The following PLEKHM3 variants were observed in gnomAD, a reference collection of about 807,000 sequenced individuals.
The protein encoded by PLEKHM3 is pleckstrin homology domain containing M3, also known as pleckstrin homology domain-containing family M member 3.
In PLEKHM3, 45 loss-of-function variants were observed where a neutral mutation model predicts 81.8. The ratio of observed to expected loss-of-function variants is 0.55; its 90% CI spans 0.43 to 0.71. PLEKHM3 has a LOEUF of 0.71. Among genes scored for constraint, PLEKHM3 ranks in the 30% least tolerant of loss-of-function variants. The pLI is 0.00. For synonymous variants in PLEKHM3, 352 were observed against 356.4 expected, an observed-to-expected ratio of 0.99 and a Z score of 0.14; for missense variants, 788 against 924.3, an observed-to-expected ratio of 0.85 and a Z score of 1.91.
intron 7 of PLEKHM3, chr2:207,851,786 T>C (rs1335284350): frequency 6.9e-6 from 1 of 144,874 alleles, no homozygotes; most frequent in South Asian, 2.3e-4. Flanking sequence ...AGAAAGAATA[T>C]CTCAGGGTAA....
At chr2:207,836,047 T>C (rs1461994256) in intron 7 of PLEKHM3, among the ~76,000 whole-genome samples, 1 of 152,148 alleles carries the variant, frequency 6.6e-6, no homozygotes, top group Non-Finnish European at 1.5e-5. Flanking sequence ...AGAGTTCAAC[T>C]TCTGTGGATG....
chr2:207,930,026 T>A (rs1242195419), intron 5 of PLEKHM3: 3 of 602,732 alleles, frequency 5.0e-6, no homozygotes, highest in Non-Finnish European at 8.9e-6. Context: ...AGTTTGTATA[T>A]GCCAAGGGTG....
At chr2:207,990,411 A>G (rs12471242) in intron 2 of PLEKHM3, among the ~76,000 whole-genome samples, 17,318 of 152,140 alleles carry the variant, frequency 0.11, 1,099 homozygotes, top group Non-Finnish European at 0.13. Flanking sequence ...CCTTTCCTCA[A>G]TGAAGACTCC....
chr2:207,969,768 G>A (rs552491812), intron 3 of PLEKHM3, among the ~76,000 whole-genome samples: 26 of 152,232 alleles, frequency 1.7e-4, no homozygotes, highest in Middle Eastern at 3.4e-3. Flanking sequence ...TTTTATCCTC[G>A]GGTAATTAAT....
intron 4 of PLEKHM3, among the ~76,000 whole-genome samples, chr2:207,940,613 A>T (rs1689907695): frequency 6.6e-6 from 1 of 152,224 alleles, no homozygotes; most frequent in Non-Finnish European, 1.5e-5. Context: ...CAACAAATCA[A>T]GCACCTGATA....
intron 7 of PLEKHM3, among the ~76,000 whole-genome samples, chr2:207,854,948 G>A (rs1298184275): frequency 6.6e-6 from 1 of 152,134 alleles, no homozygotes; most frequent in Non-Finnish European, 1.5e-5. Context: ...ACAGATTCTG[G>A]AGTTTTAAAA....
chr2:207,947,915 T>A (rs1307125578), intron 3 of PLEKHM3, among the ~76,000 whole-genome samples: 3 of 152,188 alleles, frequency 2.0e-5, no homozygotes, highest in Non-Finnish European at 2.9e-5. Context: ...TACAATGGCA[T>A]CAGTAATTAA....
chr2:207,863,842 C>G (rs939082640), intron 6 of PLEKHM3, among the ~76,000 whole-genome samples: 4 of 151,578 alleles, frequency 2.6e-5, no homozygotes, highest in Admixed American at 1.3e-4. Flanking sequence ...AATAACTTTT[C>G]TATGAAAAAG....
chr2:207,965,914 C>T (rs750061531), intron 3 of PLEKHM3, among the ~76,000 whole-genome samples: 68 of 152,296 alleles, frequency 4.5e-4, no homozygotes, highest in Admixed American at 1.2e-3. Flanking sequence ...AAATGAAGGA[C>T]CACATTAATC....
intron 1 of PLEKHM3, among the ~76,000 whole-genome samples, chr2:208,013,050 G>C (rs964108777): frequency 1.3e-5 from 2 of 152,136 alleles, no homozygotes; most frequent in African/African-American, 4.8e-5. Flanking sequence ...GTATACAAAG[G>C]TGTTATACAA....
At chr2:207,981,763 C>G (rs879264452) in intron 2 of PLEKHM3, among the ~76,000 whole-genome samples, 1 of 152,176 alleles carries the variant, frequency 6.6e-6, no homozygotes, top group Admixed American at 6.5e-5. Flanking sequence ...ATCATATCAA[C>G]TCATTTAATT....
intron 5 of PLEKHM3, among the ~76,000 whole-genome samples, chr2:207,908,787 A>G (rs1688710458): frequency 6.6e-6 from 1 of 152,140 alleles, no homozygotes; most frequent in African/African-American, 2.4e-5. Flanking sequence ...TAAAAGTTTG[A>G]TCTTTGACTT....
chr2:207,998,788 T>C (rs543058013), intron 2 of PLEKHM3, among the ~76,000 whole-genome samples: 2 of 152,168 alleles, frequency 1.3e-5, no homozygotes, highest in Admixed American at 6.5e-5. Flanking sequence ...AAATTGCAAA[T>C]AGGACACCCT....
intron 2 of PLEKHM3, among the ~76,000 whole-genome samples, chr2:207,994,914 C>G (rs1422742281): frequency 6.6e-6 from 1 of 152,176 alleles, no homozygotes; most frequent in Non-Finnish European, 1.5e-5. Context: ...GTCTGTCTCT[C>G]CATAAGGCAA....
intron 3 of PLEKHM3, among the ~76,000 whole-genome samples, chr2:207,974,875 A>T (rs1385977694): frequency 1.3e-5 from 2 of 148,906 alleles, no homozygotes; most frequent in East Asian, 3.9e-4. Flanking sequence ...TCTGTCAACC[A>T]GGCTGGAGTG....
Position 208,001,620 on chromosome 2 carries a change from T to C in PLEKHM3, c.20A>G (p.Asp7Gly), listed in dbSNP as rs1205782656. 1 of 1,613,846 alleles carries C rather than the reference T, an allele frequency of 6.2e-7. No individual in the cohort carries two copies. Among genetic ancestry groups the C allele is most frequent in the South Asian group, 1.1e-5 (1 of 91,058 alleles). Residue 7 changes from aspartate (D) to glycine (G), a missense_variant, in exon 2 of 8, where the codon GAT becomes GGT. Coordinates refer to ENST00000427836, the MANE Select transcript of PLEKHM3 (RefSeq NM_001080475.3). ...AACTTCTAAGGCTGGGCTGATATCATCCACTTCCAAAGCTTCCATGTCACA... is the reference window on the plus strand; with the variant it reads ...AACTTCTAAGGCTGGGCTGATATCACCCACTTCCAAAGCTTCCATGTCACA... MEALEV[D>G]DISPALEVTE...
intron 3 of PLEKHM3, among the ~76,000 whole-genome samples, chr2:207,961,056 G>T (rs1238748469): frequency 6.6e-6 from 1 of 152,224 alleles, no homozygotes; most frequent in Admixed American, 6.5e-5. Flanking sequence ...TGACCCACAA[G>T]ACTGTGAAAA....
intron 6 of PLEKHM3, chr2:207,868,773 G>T (rs1023769720): frequency 6.6e-6 from 1 of 152,010 alleles, no homozygotes; most frequent in African/African-American, 2.4e-5. Flanking sequence ...AGCTATGAAG[G>T]CCACATGTCA....
At chr2:207,841,448 CAAAAAAAAAAAAAAAAAAAAAA>C (rs1206603074) in intron 7 of PLEKHM3, among the ~76,000 whole-genome samples, 1 of 21,466 alleles carries the variant, frequency 4.7e-5, no homozygotes, top group African/African-American at 2.2e-4. Flanking sequence ...GACTCCATCT[CAAAAAAAAAAAAAAAAAAAAAA>C]AAAAAAAAAA....
Sources: allele counts gnomAD v4.1 joint callset (sites outside exome capture counted in the v4.1 genomes callset), GRCh38; gene constraint gnomAD v4.1.1; transcripts MANE v1.5; gene names NCBI Gene and HGNC (gene_info 2026-07-23, HGNC 2026-07-21).